Variants in ALKAL1 observed in about 807,000 individuals in gnomAD.
ALKAL1 encodes ALK and LTK ligand 1.
A neutral mutation model predicts 13.5 loss-of-function variants in ALKAL1; 23 were observed. The observed-to-expected ratio is 1.70, with a 90% CI of 1.23 to 2.41. The LOEUF is 2.41. Ranked by LOEUF, ALKAL1 falls within the 30% of genes most tolerant of loss-of-function variation. The probability of loss-of-function intolerance (pLI) is 0.00; values close to 1 mark genes in which losing one functional copy is unlikely to be tolerated. For synonymous variants in ALKAL1, 85 were observed against 77.7 expected, an observed-to-expected ratio of 1.09 and a Z score of -0.49; for missense variants, 181 against 178.4, an observed-to-expected ratio of 1.01 and a Z score of -0.08.
Position 52,565,184 on chromosome 8 carries a change from C to G in ALKAL1, c.73G>C (p.Ala25Pro). The change falls in exon 1 of 5, where the codon GCC (alanine) becomes CCC (proline). Residue 25 changes from alanine (A) to proline (P), a missense_variant. Physicochemically the swap from Ala to Pro is conservative, Grantham distance 27 (BLOSUM62 -1). Coordinates refer to ENST00000358543, the MANE Select transcript of ALKAL1 (RefSeq NM_207413.4). ...CTGCGCCCCCGGGGCCTCCCGTGGG[C>G]TCCGTGCGGGGACAAAGCCAGCGCC... is the stretch of plus-strand genomic sequence containing the variant. ...LLALALSPHG[A>P]HGRPRGRRGA... 7.3e-7 allele frequency: 1 copy of G among 1,376,276 alleles called. No individual in the cohort carries two copies. 85.3% of individuals were successfully genotyped at this position (1,376,276 alleles called of 1,614,324 possible).
intron 2 of ALKAL1, among the ~76,000 whole-genome samples, chr8:52,541,516 C>T (rs1173549212): frequency 6.6e-6 from 1 of 152,054 alleles, no homozygotes; most frequent in Non-Finnish European, 1.5e-5. Flanking sequence ...ACTTGTAATC[C>T]CAGCACTTTG....
chr8:52,555,657 C>A (rs1321509880), intron 1 of ALKAL1, among the ~76,000 whole-genome samples: 1 of 152,182 alleles, frequency 6.6e-6, no homozygotes, highest in Non-Finnish European at 1.5e-5. Context: ...TGCTCCAGGG[C>A]CAGGTACTCG....
chr8:52,536,573 A>C (rs1293657444), intron 4 of ALKAL1, among the ~76,000 whole-genome samples: 7 of 152,232 alleles, frequency 4.6e-5, no homozygotes, highest in Non-Finnish European at 8.8e-5. Context: ...AGCAAGAAAT[A>C]ACTACATGTT....
At chr8:52,561,902 T>C (rs1353556183) in intron 1 of ALKAL1, among the ~76,000 whole-genome samples, 1 of 152,184 alleles carries the variant, frequency 6.6e-6, no homozygotes, top group African/African-American at 2.4e-5. Context: ...AAACATCATA[T>C]ACATCAATAG....
At chr8:52,558,436 T>G (rs1847506526) in intron 1 of ALKAL1, among the ~76,000 whole-genome samples, 1 of 152,052 alleles carries the variant, frequency 6.6e-6, no homozygotes, top group Non-Finnish European at 1.5e-5. Flanking sequence ...TTTATGGTTT[T>G]ACTGAATTTG....
At chr8:52,545,042 A>G (rs1847356158) in intron 1 of ALKAL1, among the ~76,000 whole-genome samples, 1 of 152,120 alleles carries the variant, frequency 6.6e-6, no homozygotes, top group African/African-American at 2.4e-5. Context: ...CAGCCTCCCA[A>G]AGTGTTGGAA....
In ALKAL1 at chr8:52,542,416, CTT is replaced by C; in HGVS notation, c.218_219del (p.Lys73ArgfsTer42). ...CCTGTGAAATGCTTTATGAATTTGTCTTTTAAGTTAGAGTCTCTTGGGAATAT... is the reference window on the plus strand; with the variant it reads ...CCTGTGAAATGCTTTATGAATTTGTCTTAAGTTAGAGTCTCTTGGGAATAT... ...AEIFPRDSNL[K>X]DKFIKHFTGP... is the part of the protein sequence containing the mutation. On this transcript the variant is annotated frameshift_variant, in exon 2 of 5. Coordinates refer to ENST00000358543, the MANE Select transcript of ALKAL1 (RefSeq NM_207413.4). LOFTEE classifies it high-confidence loss of function. 6.5e-7 allele frequency: 1 copy of C among 1,545,520 alleles called. No individual in the cohort carries two copies. Among genetic ancestry groups the C allele is most frequent in the Non-Finnish European group, 8.9e-7 (1 of 1,126,058 alleles).
intron 2 of ALKAL1, among the ~76,000 whole-genome samples, chr8:52,540,356 T>A (rs765520993): frequency 6.6e-5 from 10 of 152,214 alleles, no homozygotes; most frequent in Non-Finnish European, 1.5e-4. Context: ...CTTATTACTG[T>A]CTAGGATAAT....
intron 1 of ALKAL1, among the ~76,000 whole-genome samples, chr8:52,556,886 A>G (rs1847489705): frequency 6.6e-6 from 1 of 152,282 alleles, no homozygotes; most frequent in East Asian, 1.9e-4. Context: ...AACACCATCA[A>G]TTAATGCAGT....
At chr8:52,555,471 T>C (rs79219293) in intron 1 of ALKAL1, among the ~76,000 whole-genome samples, 120 of 152,222 alleles carry the variant, frequency 7.9e-4, no homozygotes, top group African/African-American at 2.9e-3. Flanking sequence ...ACGGTCAAGA[T>C]TGAGATTCTG....
intron 2 of ALKAL1, among the ~76,000 whole-genome samples, chr8:52,541,919 C>T (rs908564922): frequency 6.6e-6 from 1 of 152,034 alleles, no homozygotes; most frequent in Non-Finnish European, 1.5e-5. Context: ...AGATTATCCA[C>T]AACATGACTC....
chr8:52,543,836 G>A (rs902519352), intron 1 of ALKAL1, among the ~76,000 whole-genome samples: 1 of 152,072 alleles, frequency 6.6e-6, no homozygotes, highest in Non-Finnish European at 1.5e-5. Flanking sequence ...TGTGGTTAAG[G>A]CATGCTCAAA....
chr8:52,554,279 C>T (rs1053981561), intron 1 of ALKAL1, among the ~76,000 whole-genome samples: 4 of 152,182 alleles, frequency 2.6e-5, no homozygotes, highest in African/African-American at 9.7e-5. Context: ...CCACATTTCA[C>T]ACCGTGATAA....
chr8:52,539,717 A>G, intron 3 of ALKAL1, 114 bp downstream of exon 3: 2 of 751,892 alleles, frequency 2.7e-6, no homozygotes, highest in Non-Finnish European at 2.2e-6. Context: ...AGTGTTATAA[A>G]TAGAATCTCA....
At chr8:52,551,577 G>C (rs546189723) in intron 1 of ALKAL1, among the ~76,000 whole-genome samples, 46 of 151,792 alleles carry the variant, frequency 3.0e-4, no homozygotes, top group African/African-American at 1.1e-3. Flanking sequence ...CCAAAGAGTT[G>C]AGATTTCAGG....
intron 1 of ALKAL1, among the ~76,000 whole-genome samples, chr8:52,557,274 A>C (rs1847494474): frequency 6.6e-6 from 1 of 152,198 alleles, no homozygotes; most frequent in Non-Finnish European, 1.5e-5. Context: ...GAGCCTGGTC[A>C]GGTGCTCCAC....
At chr8:52,542,086 C>T (rs1307455326) in intron 2 of ALKAL1, among the ~76,000 whole-genome samples, 2 of 152,184 alleles carry the variant, frequency 1.3e-5, no homozygotes, top group Non-Finnish European at 1.5e-5. Context: ...TCCCTCACCA[C>T]GGGAAAGCCT....
At chr8:52,549,497 C>A (rs957230520) in intron 1 of ALKAL1, among the ~76,000 whole-genome samples, 54 of 151,302 alleles carry the variant, frequency 3.6e-4, no homozygotes, top group African/African-American at 1.3e-3. Flanking sequence ...CTGCCTTCAT[C>A]GTAACATGAA....
intron 1 of ALKAL1, among the ~76,000 whole-genome samples, chr8:52,542,861 C>T (rs1287366298): frequency 6.6e-6 from 1 of 152,208 alleles, no homozygotes; most frequent in African/African-American, 2.4e-5. Context: ...TTATGTATTT[C>T]ACCTTCAACA....
Sources: gnomAD v4.1 joint callset for allele counts (sites outside exome capture counted in the v4.1 genomes callset) on GRCh38, gnomAD v4.1.1 for gene constraint, MANE v1.5 for transcripts, NCBI Gene and HGNC (gene_info 2026-07-23, HGNC 2026-07-21) for gene names.